The following TPRG1 variants were observed in gnomAD, a reference collection of about 807,000 sequenced individuals.
The protein encoded by TPRG1 is tumor protein p63-regulated gene 1 protein.
TPRG1 carries 29 observed loss-of-function variants against 29.3 expected under a neutral mutation model. The observed-to-expected ratio is 0.99, with a 90% CI of 0.74 to 1.35. TPRG1 has a LOEUF of 1.35. Among genes scored for constraint, TPRG1 ranks in the 40% most tolerant of loss-of-function variants. The pLI is 0.00. For missense variants in TPRG1, 327 were observed against 335.0 expected, an observed-to-expected ratio of 0.98 and a Z score of 0.19; for synonymous variants, 130 against 116.8, an observed-to-expected ratio of 1.11 and a Z score of -0.73.
intron 4 of TPRG1, among the ~76,000 whole-genome samples, chr3:189,054,241 G>A (rs887747005): frequency 2.6e-5 from 4 of 152,010 alleles, no homozygotes; most frequent in African/African-American, 7.2e-5. Flanking sequence ...AGAGAAGGAC[G>A]GGAGGATGAC....
At chr3:189,111,284 C>A (rs542020984) in intron 1 of TPRG1, among the ~76,000 whole-genome samples, 1 of 152,028 alleles carries the variant, frequency 6.6e-6, no homozygotes, top group East Asian at 1.9e-4. Flanking sequence ...GTATAAAGGT[C>A]TTAGAGATAT....
chr3:189,108,448 A>G (rs1017054174), intron 1 of TPRG1, among the ~76,000 whole-genome samples: 1 of 152,122 alleles, frequency 6.6e-6, no homozygotes, highest in African/African-American at 2.4e-5. Context: ...AATGTGTAGT[A>G]TGTGAATTAA....
chr3:189,079,384 T>C (rs1717436176), intron 4 of TPRG1, among the ~76,000 whole-genome samples: 1 of 152,210 alleles, frequency 6.6e-6, no homozygotes, highest in Non-Finnish European at 1.5e-5. Context: ...CTGTTACCAC[T>C]TGCTTACTTG....
chr3:189,277,724 G>A (rs1716412127), intron 4 of TPRG1, among the ~76,000 whole-genome samples: 1 of 152,136 alleles, frequency 6.6e-6, no homozygotes, highest in South Asian at 2.1e-4. Context: ...ATATTAAGGA[G>A]CATGAGAAGC....
intron 1 of TPRG1, among the ~76,000 whole-genome samples, chr3:189,178,249 C>T (rs746531126): frequency 9.9e-5 from 15 of 152,198 alleles, no homozygotes; most frequent in Non-Finnish European, 1.5e-4. Context: ...TTTCATGGGC[C>T]GGGCACACTG....
chr3:189,295,048 G>A (rs763685825), intron 4 of TPRG1, among the ~76,000 whole-genome samples: 2 of 152,130 alleles, frequency 1.3e-5, no homozygotes, highest in Admixed American at 6.5e-5. Flanking sequence ...CCACATTCAC[G>A]CCTTTGTTTT....
Position 189,320,194 on chromosome 3 carries a change from G to C in TPRG1, c.634-432G>C, listed in dbSNP as rs1560700862. 2.0e-5 allele frequency among the ~76,000 whole-genome samples: 3 copies of C among 152,154 alleles called. No homozygotes were observed. In the South Asian group the frequency reaches 6.2e-4, roughly 32 times the overall value. ...TCAACTTAAAATGTCCCTGGAACTT[G>C]TTGTAGGCGCTTCATCAATATTTCT... On this transcript the variant is annotated intron_variant, in intron 5 of 5. Transcript: ENST00000345063.
intron 4 of TPRG1, among the ~76,000 whole-genome samples, chr3:189,272,525 G>A (rs948761744): frequency 6.6e-6 from 1 of 152,060 alleles, no homozygotes; most frequent in Non-Finnish European, 1.5e-5. Context: ...GGAAATCTGG[G>A]CAAGTCTCGT....
At chr3:189,124,977 A>C (rs1213760724) in intron 1 of TPRG1, among the ~76,000 whole-genome samples, 1 of 152,334 alleles carries the variant, frequency 6.6e-6, no homozygotes, top group East Asian at 1.9e-4. Flanking sequence ...ATGAGATCTT[A>C]AGTGATTTAC....
chr3:188,999,233 G>A (rs757432876), intron 1 of TPRG1, among the ~76,000 whole-genome samples: 1 of 152,058 alleles, frequency 6.6e-6, no homozygotes, highest in Non-Finnish European at 1.5e-5. Context: ...GACATATTTT[G>A]AAAGTGAAGA....
intron 1 of TPRG1, among the ~76,000 whole-genome samples, chr3:189,175,553 C>A (rs1460348932): frequency 6.6e-6 from 1 of 152,086 alleles, no homozygotes; most frequent in Non-Finnish European, 1.5e-5. Context: ...TCATTGTTAT[C>A]CAAGTTTGTA....
chr3:189,180,887 C>G (rs562696422), intron 1 of TPRG1, among the ~76,000 whole-genome samples: 6 of 152,320 alleles, frequency 3.9e-5, no homozygotes, highest in Admixed American at 1.3e-4. Context: ...AGAGCCTCAC[C>G]CCTGCAGCAG....
chr3:189,230,179 T>G (rs187136306), intron 3 of TPRG1, among the ~76,000 whole-genome samples: 1 of 152,294 alleles, frequency 6.6e-6, no homozygotes, highest in Non-Finnish European at 1.5e-5. Context: ...CCCAGATTCT[T>G]TACTTTTGTG....
chr3:189,308,918 G>A (rs958434917), intron 4 of TPRG1, among the ~76,000 whole-genome samples: 6 of 152,080 alleles, frequency 3.9e-5, no homozygotes, highest in Admixed American at 2.6e-4. Flanking sequence ...AAAAGAGCTG[G>A]GGGATAATAA....
chr3:189,002,264 C>G (rs985202459), intron 2 of TPRG1, among the ~76,000 whole-genome samples: 1 of 152,120 alleles, frequency 6.6e-6, no homozygotes. Context: ...TGCTTTGTCT[C>G]CTCCACAGAG....
intron 2 of TPRG1, 136 bp from the exon 3 acceptor site, chr3:189,215,156 A>T: frequency 1.7e-6 from 1 of 580,006 alleles, no homozygotes; most frequent in Non-Finnish European, 2.8e-6. Context: ...GAAGGCAGTT[A>T]GGCATACAGG....
intron 3 of TPRG1, 105 bp downstream of exon 3, chr3:189,215,488 T>C: frequency 1.1e-6 from 1 of 942,108 alleles, no homozygotes; most frequent in Non-Finnish European, 1.6e-6. Context: ...CTCTGGTTGC[T>C]ACATAAGATA....
intron 4 of TPRG1, among the ~76,000 whole-genome samples, chr3:189,037,850 T>C (rs956128926): frequency 1.3e-5 from 2 of 151,396 alleles, no homozygotes; most frequent in South Asian, 2.1e-4. Flanking sequence ...CTTTAAGATA[T>C]AAATATATTA....
At chr3:189,115,503 G>T (rs1370569734) in intron 1 of TPRG1, among the ~76,000 whole-genome samples, 1 of 152,160 alleles carries the variant, frequency 6.6e-6, no homozygotes, top group Non-Finnish European at 1.5e-5. Context: ...GATTTTCACT[G>T]GTCCAAAGAA....
Sources: gnomAD v4.1 joint callset for allele counts (sites outside exome capture counted in the v4.1 genomes callset) on GRCh38, gnomAD v4.1.1 for gene constraint, MANE v1.5 for transcripts, NCBI Gene and HGNC (gene_info 2026-07-23, HGNC 2026-07-21) for gene names.